SMAD9: variants seen among roughly 807,000 people sequenced by gnomAD.
SMAD9 encodes SMAD family member 9.
Under a neutral mutation model 46.1 loss-of-function variants are expected in SMAD9, and 36 were observed. The ratio of observed to expected loss-of-function variants is 0.78; its 90% CI spans 0.60 to 1.03. The LOEUF is 1.03. Among genes scored for constraint, SMAD9 ranks in the 50% least tolerant of loss-of-function variants. SMAD9 has a pLI of 0.00. For synonymous variants in SMAD9, 245 were observed against 237.1 expected (o/e 1.03, Z -0.31); for missense variants, 572 against 599.8 (o/e 0.95, Z 0.48).
chr13:36,852,288 G>T, intron 6 of SMAD9: 1 of 984,482 alleles, frequency 1.0e-6, no homozygotes, highest in Non-Finnish European at 1.2e-6. Context: ...AAAATGCCTG[G>T]AACAAGCCAT....
intron 1 of SMAD9, among the ~76,000 whole-genome samples, chr13:36,881,865 AAGAGT>A (rs1250012863): frequency 3.9e-5 from 6 of 152,206 alleles, no homozygotes; most frequent in African/African-American, 1.4e-4. Flanking sequence ...TGAACCCCAA[AAGAGT>A]TGTGAATTCT....
At chr13:36,888,105 G>A (rs1422821211) in intron 1 of SMAD9, among the ~76,000 whole-genome samples, 1 of 152,218 alleles carries the variant, frequency 6.6e-6, no homozygotes, top group Non-Finnish European at 1.5e-5. Context: ...GAGCACTGCT[G>A]TTTCAGGGTG....
chr13:36,891,179 C>T (rs781118757), intron 1 of SMAD9, among the ~76,000 whole-genome samples: 5 of 145,802 alleles, frequency 3.4e-5, no homozygotes, highest in Non-Finnish European at 7.4e-5. Context: ...ACTATCTTTC[C>T]TTGTGCTTAG....
chr13:36,910,138 A>C (rs1291203265), intron 1 of SMAD9, among the ~76,000 whole-genome samples: 1 of 151,892 alleles, frequency 6.6e-6, no homozygotes, highest in Non-Finnish European at 1.5e-5. Flanking sequence ...CAGAGCTTGC[A>C]GTGAGCCGAG....
rs1169962764 is a variant in SMAD9, at chr13:36,847,805, C to CA, written c.*870dup. The CA allele has an allele frequency of 2.6e-5, 4 of 152,216 alleles. No individual in the cohort carries two copies. Among genetic ancestry groups the CA allele is most frequent in the Admixed American group, 6.5e-5 (1 of 15,274 alleles). The allele number at this position is 152,216 out of a possible 1,614,324, so 9.4% of individuals were successfully genotyped here. On this transcript the variant is annotated 3_prime_UTR_variant, in exon 7 of 7. Transcript: ENST00000379826. ...TGCTTCTTGACACAGGACTGAAACACAAGCTATTCTGGCACGCTGCGCAGA... is the reference window on the plus strand; with the variant it reads ...TGCTTCTTGACACAGGACTGAAACACAAAGCTATTCTGGCACGCTGCGCAGA...
chr13:36,868,841 A>G (rs113634638), intron 3 of SMAD9, among the ~76,000 whole-genome samples: 346 of 152,356 alleles, frequency 2.3e-3, no homozygotes, highest in Non-Finnish European at 4.0e-3. Flanking sequence ...GGTGTTATTT[A>G]CTAGAGCCAA....
intron 1 of SMAD9, among the ~76,000 whole-genome samples, chr13:36,906,112 C>T (rs934645907): frequency 1.3e-5 from 2 of 152,004 alleles, no homozygotes; most frequent in Non-Finnish European, 2.9e-5. Context: ...TTTCTACAGC[C>T]ACAAAGGCCA....
intron 1 of SMAD9, among the ~76,000 whole-genome samples, chr13:36,908,781 G>C (rs1347344869): frequency 6.6e-6 from 1 of 152,126 alleles, no homozygotes; most frequent in Non-Finnish European, 1.5e-5. Flanking sequence ...GGTGGGAGGA[G>C]AAAGAACACA....
At chr13:36,874,752 G>C (rs866096319) in intron 2 of SMAD9, among the ~76,000 whole-genome samples, 10 of 151,378 alleles carry the variant, frequency 6.6e-5, no homozygotes, top group Middle Eastern at 3.4e-3. Context: ...AGCTACTTGG[G>C]GGGGCTGAGG....
intron 1 of SMAD9, among the ~76,000 whole-genome samples, chr13:36,882,535 C>T (rs961083733): frequency 6.6e-6 from 1 of 152,142 alleles, no homozygotes; most frequent in African/African-American, 2.4e-5. Flanking sequence ...AGTGGTCTCA[C>T]GACAGTTCCA....
chr13:36,852,042 T>C, intron 6 of SMAD9: 1 of 973,624 alleles, frequency 1.0e-6, no homozygotes, highest in African/African-American at 1.8e-5. Flanking sequence ...TGAAAAGATT[T>C]CGAAGTTATT....
chr13:36,885,995 C>T (rs2058441786), intron 1 of SMAD9, among the ~76,000 whole-genome samples: 1 of 152,062 alleles, frequency 6.6e-6, no homozygotes, highest in Non-Finnish European at 1.5e-5. Context: ...GATTACAGTG[C>T]ATGGAGATCA....
intron 1 of SMAD9, among the ~76,000 whole-genome samples, chr13:36,906,032 A>C (rs763067382): frequency 6.6e-6 from 1 of 152,130 alleles, no homozygotes; most frequent in Non-Finnish European, 1.5e-5. Flanking sequence ...AGTTTTAAAT[A>C]AGGAGAACAC....
At chr13:36,860,759 G>A (rs647315) in intron 5 of SMAD9, among the ~76,000 whole-genome samples, 2,611 of 151,940 alleles carry the variant, frequency 0.017, 84 homozygotes, top group African/African-American at 0.059. Flanking sequence ...GGCCACCAGC[G>A]TGTCTCTTAG....
intron 1 of SMAD9, among the ~76,000 whole-genome samples, chr13:36,905,775 A>C (rs1192220313): frequency 4.1e-4 from 2 of 4,898 alleles, no homozygotes; most frequent in East Asian, 7.2e-3. Flanking sequence ...ACCCTGTCTC[A>C]AAAAAAAAAA....
At chr13:36,898,558 C>T (rs558788122) in intron 1 of SMAD9, among the ~76,000 whole-genome samples, 1 of 152,222 alleles carries the variant, frequency 6.6e-6, no homozygotes, top group East Asian at 1.9e-4. Flanking sequence ...GACTAACACA[C>T]ATCTTGACCA....
intron 1 of SMAD9, among the ~76,000 whole-genome samples, chr13:36,919,199 T>C (rs1465572359): frequency 6.6e-6 from 1 of 152,156 alleles, no homozygotes. Flanking sequence ...ACTTCAAATG[T>C]CCACGGTCAA....
At chr13:36,891,701 C>T (rs959640229) in intron 1 of SMAD9, among the ~76,000 whole-genome samples, 22 of 152,148 alleles carry the variant, frequency 1.4e-4, no homozygotes, top group Non-Finnish European at 2.9e-5. Context: ...GATCCTAGGG[C>T]ATAAGCTCAA....
At chr13:36,915,762 A>C (rs2058693978) in intron 1 of SMAD9, among the ~76,000 whole-genome samples, 1 of 152,226 alleles carries the variant, frequency 6.6e-6, no homozygotes, top group Non-Finnish European at 1.5e-5. Context: ...AACCGTGTGC[A>C]CACACATATA....
Sources: allele counts gnomAD v4.1 joint callset (sites outside exome capture counted in the v4.1 genomes callset), GRCh38; gene constraint gnomAD v4.1.1; transcripts MANE v1.5; gene names NCBI Gene and HGNC (gene_info 2026-07-23, HGNC 2026-07-21).